Variants in AFAP1 observed in about 807,000 individuals in gnomAD.
AFAP1 encodes the protein actin filament-associated protein 1.
In AFAP1, 75 loss-of-function variants were observed where a neutral mutation model predicts 93.9. That is an observed-to-expected ratio of 0.80 (90% CI 0.66 to 0.97). The LOEUF (loss-of-function observed/expected upper bound fraction) is 0.97, where lower values mean the gene tolerates loss of function less well. Among genes scored for constraint, AFAP1 ranks in the 50% least tolerant of loss-of-function variants. The pLI, the probability that AFAP1 is intolerant of heterozygous loss-of-function variation, is 0.00. For missense variants in AFAP1, 1,201 were observed against 1,050.8 expected (o/e 1.14, Z -1.98); for synonymous variants, 517 against 430.7 (o/e 1.20, Z -2.48).
chr4:7,805,315 T>TCAG (rs1290156809), intron 9 of AFAP1, among the ~76,000 whole-genome samples: 2 of 152,206 alleles, frequency 1.3e-5, no homozygotes, highest in African/African-American at 4.8e-5. Context: ...ACAGAACATT[T>TCAG]CAGCTGGAAG....
intron 9 of AFAP1, among the ~76,000 whole-genome samples, chr4:7,805,730 G>C (rs1200513344): frequency 6.6e-6 from 1 of 152,184 alleles, no homozygotes. Context: ...AGCTCTGCAC[G>C]GTGCTGTGGA....
chr4:7,892,712 C>T (rs752314097), intron 1 of AFAP1, among the ~76,000 whole-genome samples: 2 of 152,136 alleles, frequency 1.3e-5, no homozygotes, highest in Non-Finnish European at 2.9e-5. Flanking sequence ...CAAGACTCAG[C>T]CTTTCCCACC....
chr4:7,898,393 A>C (rs1242894797), intron 1 of AFAP1, among the ~76,000 whole-genome samples: 1 of 151,868 alleles, frequency 6.6e-6, no homozygotes, highest in East Asian at 1.9e-4. Context: ...GGGTGACAAG[A>C]GTGAAACTCC....
chr4:7,766,279 C>T (rs1714559935), intron 17 of AFAP1, among the ~76,000 whole-genome samples: 2 of 152,148 alleles, frequency 1.3e-5, no homozygotes, highest in Non-Finnish European at 2.9e-5. Flanking sequence ...CCGTTGTAAG[C>T]AGAGAAGGTG....
Position 7,809,594 on chromosome 4 carries a change from T to C in AFAP1, c.1054+20A>G. 6.2e-7 allele frequency: 1 copy of C among 1,606,202 alleles called. No individual in the cohort carries two copies. The highest frequency in any genetic ancestry group is 8.5e-7 in the Non-Finnish European group (1 of 1,176,052). On this transcript the variant is annotated intron_variant, in intron 9 of 17. Coordinates refer to ENST00000420658, the MANE Select transcript of AFAP1 (RefSeq NM_001134647.2). ...CCCACTTAGGTGCACGCTGCTCGTCTCCGGGAAGCGCAGTCTTACCGCAGG... is the reference window on the plus strand; with the variant it reads ...CCCACTTAGGTGCACGCTGCTCGTCCCCGGGAAGCGCAGTCTTACCGCAGG...
At chr4:7,805,729 C>T (rs374513028) in intron 9 of AFAP1, among the ~76,000 whole-genome samples, 2 of 152,188 alleles carry the variant, frequency 1.3e-5, no homozygotes, top group African/African-American at 2.4e-5. Context: ...AAGCTCTGCA[C>T]GGTGCTGTGG....
intron 1 of AFAP1, among the ~76,000 whole-genome samples, chr4:7,876,669 T>C (rs910578595): frequency 6.6e-6 from 1 of 152,228 alleles, no homozygotes; most frequent in Non-Finnish European, 1.5e-5. Context: ...GGCCTGTTGT[T>C]AGCTACTCGG....
At chr4:7,881,519 C>G (rs34189407) in intron 1 of AFAP1, among the ~76,000 whole-genome samples, 17,569 of 152,204 alleles carry the variant, frequency 0.12, 1,170 homozygotes, top group Non-Finnish European at 0.16. Flanking sequence ...GCGGTGGCTC[C>G]CACCTGTAAT....
intron 1 of AFAP1, among the ~76,000 whole-genome samples, chr4:7,920,665 T>C (rs1720388142): frequency 1.3e-5 from 2 of 152,218 alleles, no homozygotes; most frequent in African/African-American, 2.4e-5. Flanking sequence ...GCTACCAACC[T>C]TTCTCTTACC....
rs141645597 is a variant in AFAP1 at position 7,908,190 on chromosome 4, C to T, written c.-3+31466G>A. ...TCACACCACTGTACTCCAGCCTGGG[C>T]GACAGAGCAAGACTCTGTCTCAAAA... is the stretch of plus-strand genomic sequence containing the variant. On this transcript the variant is annotated intron_variant, in intron 1 of 17. Coordinates refer to ENST00000420658, the MANE Select transcript of AFAP1 (RefSeq NM_001134647.2). 6.8e-3 allele frequency among the ~76,000 whole-genome samples: 1,036 copies of T among 151,634 alleles called. 8 individuals are homozygous for T. Among genetic ancestry groups the T allele is most frequent in the African/African-American group, 0.022 (926 of 41,314 alleles).
intron 6 of AFAP1, among the ~76,000 whole-genome samples, chr4:7,829,544 A>C (rs1721708944): frequency 6.6e-6 from 1 of 152,214 alleles, no homozygotes. Context: ...ATACAGACAA[A>C]AACAGCAAAG....
At chr4:7,883,370 G>T (rs1717962263) in intron 1 of AFAP1, among the ~76,000 whole-genome samples, 2 of 151,904 alleles carry the variant, frequency 1.3e-5, no homozygotes, top group African/African-American at 2.4e-5. Context: ...GAATTGATAG[G>T]CACTTAACTT....
At chr4:7,825,307 C>A (rs968760241) in intron 6 of AFAP1, among the ~76,000 whole-genome samples, 1 of 152,160 alleles carries the variant, frequency 6.6e-6, no homozygotes, top group Non-Finnish European at 1.5e-5. Context: ...TTCTGGCTCA[C>A]CAGGGGTTGT....
At chr4:7,829,242 C>G (rs577729891) in intron 6 of AFAP1, among the ~76,000 whole-genome samples, 2 of 152,200 alleles carry the variant, frequency 1.3e-5, no homozygotes, top group African/African-American at 4.8e-5. Context: ...AATACACTAT[C>G]TCTCCACACA....
At chr4:7,906,267 G>C (rs954079931) in intron 1 of AFAP1, among the ~76,000 whole-genome samples, 12 of 149,378 alleles carry the variant, frequency 8.0e-5, no homozygotes, top group African/African-American at 2.6e-4. Flanking sequence ...AGCCACAAGA[G>C]AATCAGGGGG....
intron 9 of AFAP1, among the ~76,000 whole-genome samples, chr4:7,805,497 GAATACATGGAT>G (rs1396031055): frequency 6.6e-6 from 1 of 152,174 alleles, no homozygotes; most frequent in East Asian, 1.9e-4. Context: ...CATGTCGGAT[GAATACATGGAT>G]AATCACAGTG....
chr4:7,807,093 T>C (rs1244685490), intron 9 of AFAP1, among the ~76,000 whole-genome samples: 1 of 152,228 alleles, frequency 6.6e-6, no homozygotes, highest in African/African-American at 2.4e-5. Context: ...TTCAGTGCTC[T>C]CCTTTGTAAA....
chr4:7,867,107 A>AGAGGG (rs1560209619), intron 3 of AFAP1, among the ~76,000 whole-genome samples: 4 of 39,800 alleles, frequency 1.0e-4, no homozygotes, highest in Admixed American at 3.8e-4. Flanking sequence ...AGAGGGGAGT[A>AGAGGG]GAGGGGAGGG....
At chr4:7,769,250 G>C (rs182900845) in intron 16 of AFAP1, among the ~76,000 whole-genome samples, 5 of 152,330 alleles carry the variant, frequency 3.3e-5, no homozygotes, top group African/African-American at 1.2e-4. Flanking sequence ...CTGACTCCCG[G>C]CTGTGCCTGG....
Sources: gnomAD v4.1 joint callset for allele counts (sites outside exome capture counted in the v4.1 genomes callset) on GRCh38, gnomAD v4.1.1 for gene constraint, MANE v1.5 for transcripts, NCBI Gene and HGNC (gene_info 2026-07-23, HGNC 2026-07-21) for gene names.